The following PDZD11 variants were observed in gnomAD, a reference collection of about 807,000 sequenced individuals.
The protein encoded by PDZD11 is PDZ domain containing 11.
PDZD11 carries 2 observed loss-of-function variants against 13.7 expected under a neutral mutation model. The ratio of observed to expected loss-of-function variants is 0.15; its 90% CI spans 0.06 to 0.46. The LOEUF is 0.46. Among genes scored for constraint, PDZD11 ranks in the 20% least tolerant of loss-of-function variants. The pLI, the probability that PDZD11 is intolerant of heterozygous loss-of-function variation, is 0.98. For missense variants in PDZD11, 44 were observed against 111.7 expected, an observed-to-expected ratio of 0.39 and a Z score of 2.73; for synonymous variants, 32 against 37.5, an observed-to-expected ratio of 0.85 and a Z score of 0.54.
rs778001471 is a variant in PDZD11 at position 70,289,353 on chromosome X, C to T, written c.-12G>A. The T allele has an allele frequency of 6.1e-5, 73 of 1,202,718 alleles. No individual in the cohort carries two copies. The Admixed American group carries it at 1.6e-3, about 27-fold the overall frequency. On this transcript the variant is annotated splice_region_variant and 5_prime_UTR_variant, in exon 2 of 7. Transcript: ENST00000239666. ...ATCCGGCTGTCCATCTCGGGCAAGG[C>T]CCTGGAAGAGTGAATCAGAACAGAC...
intron 1 of PDZD11, 82 bp from the exon 2 acceptor site, chrX:70,289,436 A>G (rs1245730137): frequency 1.7e-6 from 2 of 1,162,322 alleles, no homozygotes; most frequent in South Asian, 1.9e-5. Context: ...GCTCCAACCC[A>G]TTCCAAGGCA....
intron 3 of PDZD11, 51 bp from the exon 4 acceptor site, chrX:70,288,224 GAAC>G: frequency 9.6e-7 from 1 of 1,043,845 alleles, no homozygotes; most frequent in East Asian, 3.0e-5. Context: ...ACAAACACAA[GAAC>G]AACTAGTAGC....
At position 70,289,315 on chromosome X, in the gene PDZD11, G is replaced by C; in HGVS notation, c.27C>G (p.Asp9Glu). 1 of 1,209,591 alleles carries C rather than the reference G, an allele frequency of 8.3e-7. No homozygotes were observed. The highest frequency in any genetic ancestry group is 1.1e-6 in the Non-Finnish European group (1 of 894,231). ...AGGCAGGCAAGAAAACCACCGGGTA[G>C]TCATCATAAGGAATCCGGCTGTCCA... MDSRIPYDDYPVVFLPAYE... is the reference protein window; with the variant it reads MDSRIPYDEYPVVFLPAYE... Residue 9 changes from aspartate (D) to glutamate (E), a missense_variant, in exon 2 of 7, where the codon GAC becomes GAG. Asp to Glu is a conservative substitution (Grantham distance 45, BLOSUM62 2). Transcript: ENST00000239666.
chrX:70,287,898 G>A (rs1215711899), intron 4 of PDZD11, 68 bp from the exon 5 acceptor site: 3 of 880,323 alleles, frequency 3.4e-6, no homozygotes, highest in African/African-American at 2.0e-5. Context: ...GTGAAATTCG[G>A]TGCTATTCAA....
intron 2 of PDZD11, 121 bp downstream of exon 2, chrX:70,289,134 G>T: frequency 1.8e-6 from 1 of 563,656 alleles, no homozygotes; most frequent in Non-Finnish European, 2.8e-6. Context: ...GGGTCCTCTG[G>T]CTACAAGTGC....
In PDZD11 at chrX:70,287,842, G is replaced by A. The variant is rs764637335; in HGVS notation, c.229-12C>T. 4.0e-5 allele frequency: 45 copies of A among 1,127,698 alleles called. No individual in the cohort carries two copies. Among genetic ancestry groups the A allele is most frequent in the Non-Finnish European group, 3.7e-6 (3 of 820,816 alleles). The allele number at this position is 1,127,698 out of a possible 1,213,427, so 92.9% of individuals were successfully genotyped here. On this transcript the variant is annotated splice_polypyrimidine_tract_variant and intron_variant, in intron 4 of 6. Coordinates refer to ENST00000239666, the MANE Select transcript of PDZD11 (RefSeq NM_016484.5). ...GAGTCAGGAATCACCTGTTGGTAAAGAGAGAATACATGTGATTGGGATGCG... is the reference window on the plus strand; with the variant it reads ...GAGTCAGGAATCACCTGTTGGTAAAAAGAGAATACATGTGATTGGGATGCG...
At chrX:70,289,437 T>C in intron 1 of PDZD11, 83 bp from the exon 2 acceptor site, 1 of 1,161,814 alleles carries the variant, frequency 8.6e-7, no homozygotes, top group Admixed American at 2.6e-5. Flanking sequence ...CTCCAACCCA[T>C]TCCAAGGCAG....
chrX:70,289,353 C>G lies in PDZD11; in HGVS notation c.-12G>C. 1.7e-6 allele frequency: 2 copies of G among 1,204,274 alleles called. No homozygotes were observed. Among genetic ancestry groups the G allele is most frequent in the Non-Finnish European group, 2.2e-6 (2 of 891,404 alleles). On this transcript the variant is annotated splice_region_variant and 5_prime_UTR_variant, in exon 2 of 7. Transcript: ENST00000239666. ...ATCCGGCTGTCCATCTCGGGCAAGG[C>G]CCTGGAAGAGTGAATCAGAACAGAC...
chrX:70,287,521 C>T (rs1382298963), intron 5 of PDZD11, among the ~76,000 whole-genome samples, 185 bp from the exon 6 acceptor site: 1 of 111,126 alleles, frequency 9.0e-6, no homozygotes, highest in Admixed American at 9.5e-5. Flanking sequence ...TGTTTTGAGA[C>T]AGGGTCTTGC....
chrX:70,289,338 C>T lies in PDZD11; in HGVS notation c.4G>A (p.Asp2Asn), dbSNP rs758419722. ...TAGTCATCATAAGGAATCCGGCTGT[C>T]CATCTCGGGCAAGGCCCTGGAAGAG... M[D>N]SRIPYDDYPV... The change falls in exon 2 of 7, where the codon GAC becomes AAC. Residue 2 changes from aspartate to asparagine, a missense_variant. Asp to Asn is a conservative substitution (Grantham distance 23). Transcript: ENST00000239666. 7.5e-6 allele frequency: 9 copies of T among 1,205,696 alleles called. No individual in the cohort carries two copies. In the African/African-American group the frequency reaches 1.4e-4, roughly 19 times the overall value.
intron 4 of PDZD11, 135 bp from the exon 5 acceptor site, chrX:70,287,965 T>C: frequency 1.4e-6 from 1 of 710,961 alleles, no homozygotes; most frequent in African/African-American, 2.1e-5. Flanking sequence ...GCCTGCCAAA[T>C]GAAAAGTTTT....
At chrX:70,289,166 C>T (rs892284385) in intron 2 of PDZD11, 89 bp downstream of exon 2, 1 of 738,737 alleles carries the variant, frequency 1.4e-6, no homozygotes, top group African/African-American at 2.2e-5. Flanking sequence ...CTCCGTTTCG[C>T]CTTCTAACCC....
intron 5 of PDZD11, 147 bp downstream of exon 5, chrX:70,287,585 A>G (rs2085727124): frequency 2.0e-6 from 1 of 509,409 alleles, no homozygotes; most frequent in East Asian, 3.5e-5. Context: ...CTCCCGCCTC[A>G]GCCTCCTAAG....
chrX:70,287,046 A>T lies in PDZD11; in HGVS notation c.*36T>A. On this transcript the variant is annotated 3_prime_UTR_variant, in exon 7 of 7. Coordinates refer to ENST00000239666, the MANE Select transcript of PDZD11 (RefSeq NM_016484.5). ...CCTGAAGTCTAGTTAGCATGTCATG[A>T]CAGAGTCCACATGAAGGGCTGTGGG... 1 of 1,161,863 alleles carries T rather than the reference A, an allele frequency of 8.6e-7. No homozygotes were observed.
Position 70,288,101 on chromosome X carries a change from T to C in PDZD11, c.228+16A>G. 1.7e-6 allele frequency: 2 copies of C among 1,179,929 alleles called. No individual in the cohort carries two copies. Among genetic ancestry groups the C allele is most frequent in the African/African-American group, 1.7e-5 (1 of 57,240 alleles). ...AAGGGAAGTAACGATCCATATTGCC[T>C]ACTGGGCATAAATACCTTGGAGATG... On this transcript the variant is annotated intron_variant, in intron 4 of 6. Coordinates refer to ENST00000239666, the MANE Select transcript of PDZD11 (RefSeq NM_016484.5).
intron 2 of PDZD11, 120 bp from the exon 3 acceptor site, chrX:70,288,633 AG>A: frequency 1.9e-6 from 1 of 537,701 alleles, no homozygotes; most frequent in Non-Finnish European, 3.2e-6. Context: ...TAATTTAAGT[AG>A]AACAGATAAC....
At chrX:70,289,060 AC>A (rs1235567247) in intron 2 of PDZD11, among the ~76,000 whole-genome samples, 194 bp downstream of exon 2, 2 of 111,453 alleles carry the variant, frequency 1.8e-5, no homozygotes, top group East Asian at 5.7e-4. Flanking sequence ...GTGTGAACAG[AC>A]CCTAGCAGGA....
chrX:70,286,784 G>C lies in PDZD11; in HGVS notation c.*298C>G. The C allele has an allele frequency of 3.8e-6, 1 of 265,552 alleles. No homozygotes were observed. Among genetic ancestry groups the C allele is most frequent in the Non-Finnish European group, 6.6e-6 (1 of 150,797 alleles). 21.9% of individuals were successfully genotyped at this position (265,552 alleles called of 1,213,427 possible). On this transcript the variant is annotated 3_prime_UTR_variant, in exon 7 of 7. Transcript: ENST00000239666. ...CTACTGATTTCTATAATTAAAATATGACATATGTAAGGGACTAGTGCATGA... is the reference window on the plus strand; with the variant it reads ...CTACTGATTTCTATAATTAAAATATCACATATGTAAGGGACTAGTGCATGA...
intron 2 of PDZD11, 51 bp from the exon 3 acceptor site, chrX:70,288,564 C>T (rs994861713): frequency 1.0e-6 from 1 of 968,304 alleles, no homozygotes; most frequent in African/African-American, 1.9e-5. Context: ...TTCACACCTA[C>T]CTTCATCTGA....
Sources: allele counts gnomAD v4.1 joint callset (sites outside exome capture counted in the v4.1 genomes callset), GRCh38; gene constraint gnomAD v4.1.1; transcripts MANE v1.5; gene names NCBI Gene and HGNC (gene_info 2026-07-23, HGNC 2026-07-21).